Variants in IL10RB observed in about 807,000 individuals in gnomAD.
IL10RB encodes interleukin-10 receptor subunit beta.
Under a neutral mutation model 38.7 loss-of-function variants are expected in IL10RB, and 30 were observed. The observed-to-expected ratio is 0.78, with a 90% CI of 0.58 to 1.05. IL10RB has a LOEUF of 1.05. IL10RB is among the 50% of genes least tolerant of loss of function. The pLI, the probability that IL10RB is intolerant of heterozygous loss-of-function variation, is 0.00. For missense variants in IL10RB, 328 were observed against 397.1 expected, an observed-to-expected ratio of 0.83 and a Z score of 1.48; for synonymous variants, 142 against 145.9, an observed-to-expected ratio of 0.97 and a Z score of 0.19.
chr21:33,288,029 G>T, intron 5 of IL10RB, 75 bp from the exon 6 acceptor site: 2 of 1,377,650 alleles, frequency 1.5e-6, no homozygotes, highest in South Asian at 1.2e-5. Flanking sequence ...CAGGGATTGT[G>T]ATGGTTAAAA....
Position 33,266,402 on chromosome 21 carries a change from C to T in IL10RB, c.-64C>T. The T allele has an allele frequency of 6.6e-7, 1 of 1,515,258 alleles. No homozygotes were observed. Among genetic ancestry groups the T allele is most frequent in the Non-Finnish European group, 8.9e-7 (1 of 1,129,554 alleles). The allele number at this position is 1,515,258 out of a possible 1,614,324, so 93.9% of individuals were successfully genotyped here. The stretch of plus-strand genomic sequence containing the variant: ...GTTCCCGGAAGCCGCCGCGGACAAG[C>T]TCTCCCGGGCGCGGGCGGGGGTCGT... On this transcript the variant is annotated 5_prime_UTR_variant, in exon 1 of 7. Transcript: ENST00000290200.
intron 4 of IL10RB, among the ~76,000 whole-genome samples, chr21:33,282,016 T>C (rs1015045858): frequency 5.9e-5 from 9 of 152,190 alleles, no homozygotes; most frequent in African/African-American, 2.2e-4. Context: ...AAATTTGCAT[T>C]GTAAGGTTTT....
chr21:33,281,612 G>A (rs1038647043), intron 4 of IL10RB, among the ~76,000 whole-genome samples: 1 of 152,180 alleles, frequency 6.6e-6, no homozygotes, highest in Admixed American at 6.5e-5. Flanking sequence ...CAGAGTCACA[G>A]TCTGTCGTTG....
intron 5 of IL10RB, among the ~76,000 whole-genome samples, chr21:33,284,341 A>G (rs1989336959): frequency 6.6e-6 from 1 of 152,100 alleles, no homozygotes; most frequent in Non-Finnish European, 1.5e-5. Context: ...ATAGCTTGCA[A>G]ATACCAGTAA....
chr21:33,266,594 G>C (rs984289277), intron 1 of IL10RB, 80 bp downstream of exon 1: 2 of 1,425,316 alleles, frequency 1.4e-6, no homozygotes, highest in Non-Finnish European at 1.9e-6. Context: ...ATCCCTGGGC[G>C]CCCTGCAAGT....
At position 33,266,471 on chromosome 21, in the gene IL10RB, G is replaced by A; in HGVS notation, c.6G>A (p.Ala2=). The part of the protein sequence containing the change: M[A]WSLGSWLGGC... Reference sequence around the variant, plus strand: ...GGAACCCCCAGCGTCCGTCCATGGCGTGGAGCCTTGGGAGCTGGCTGGGTG... The same window carrying A: ...GGAACCCCCAGCGTCCGTCCATGGCATGGAGCCTTGGGAGCTGGCTGGGTG... The change falls in exon 1 of 7, where the codon GCG becomes GCA. Residue 2 remains alanine (A), a synonymous_variant. Transcript: ENST00000290200. 2 of 1,542,302 alleles carry A rather than the reference G, an allele frequency of 1.3e-6. No homozygotes were observed. Among genetic ancestry groups the A allele is most frequent in the Non-Finnish European group, 8.7e-7 (1 of 1,146,962 alleles).
At chr21:33,279,693 A>C in intron 3 of IL10RB, 59 bp from the exon 4 acceptor site, 1 of 1,431,346 alleles carries the variant, frequency 7.0e-7, no homozygotes, top group Non-Finnish European at 9.9e-7. Context: ...ATGAAAAATT[A>C]ATGTTGAAGT....
exon 2 of IL10RB, chr21:33,309,614 A>G (rs1335207242): frequency 6.6e-6 from 1 of 152,240 alleles, no homozygotes; most frequent in Admixed American, 6.5e-5. Flanking sequence ...TGTGACCTGC[A>G]TATAATGTAA....
In IL10RB at chr21:33,286,732, C is replaced by T. The variant is rs8178518; in HGVS notation, c.647-1372C>T. Among the ~76,000 whole-genome samples, 737 of 152,004 alleles carry T rather than the reference C, an allele frequency of 4.8e-3. 1 individual carries two copies. The highest frequency in any genetic ancestry group is 0.016 in the African/African-American group (682 of 41,478). Reference sequence around the variant, plus strand: ...GCTGGGCATGGTGACACATGCCTGTCGTCCCAGCTACCCAGGAGGCTGAGG... The same window carrying T: ...GCTGGGCATGGTGACACATGCCTGTTGTCCCAGCTACCCAGGAGGCTGAGG... On this transcript the variant is annotated intron_variant, in intron 5 of 6. Transcript: ENST00000290200.
At chr21:33,295,696 G>A (rs1041181471) in intron 6 of IL10RB, among the ~76,000 whole-genome samples, 1 of 143,222 alleles carries the variant, frequency 7.0e-6, no homozygotes, top group Non-Finnish European at 1.5e-5. Flanking sequence ...AAAAATCTTC[G>A]TTTGTATAGC....
downstream of IL10RB, among the ~76,000 whole-genome samples, chr21:33,301,399 C>T (rs780628987): frequency 1.3e-5 from 2 of 152,260 alleles, no homozygotes; most frequent in Middle Eastern, 3.4e-3. Flanking sequence ...TGGCACTTTA[C>T]GAGGTCAAAT....
chr21:33,289,477 C>T (rs2843697), intron 6 of IL10RB, among the ~76,000 whole-genome samples: 61,172 of 152,004 alleles, frequency 0.4, 12,696 homozygotes, highest in Non-Finnish European at 0.45. Context: ...CCGGGAGGAG[C>T]CTGTGCTGTA....
intron 2 of IL10RB, among the ~76,000 whole-genome samples, chr21:33,273,400 A>C (rs1470918156): frequency 7.2e-5 from 11 of 152,322 alleles, no homozygotes; most frequent in Admixed American, 4.6e-4. Flanking sequence ...TGTCTAAAAA[A>C]ATGTGCACAG....
chr21:33,294,109 G>A (rs1295097013), intron 6 of IL10RB: 8 of 468,024 alleles, frequency 1.7e-5, no homozygotes, highest in Non-Finnish European at 3.5e-5. Context: ...TTGCAGACTT[G>A]ACCGTGGAGC....
chr21:33,293,325 G>A (rs939284135), intron 6 of IL10RB, among the ~76,000 whole-genome samples: 3 of 152,232 alleles, frequency 2.0e-5, no homozygotes, highest in African/African-American at 4.8e-5. Flanking sequence ...AGCCTTGACC[G>A]AGGCAACTGC....
chr21:33,268,564 C>T, intron 2 of IL10RB, 47 bp downstream of exon 2: 2 of 1,368,802 alleles, frequency 1.5e-6, no homozygotes, highest in Non-Finnish European at 2.1e-6. Context: ...AGGAGCCAGC[C>T]CTGGGCTGGT....
chr21:33,292,998 C>T (rs1035059205), intron 6 of IL10RB, among the ~76,000 whole-genome samples: 1 of 152,234 alleles, frequency 6.6e-6, no homozygotes, highest in Non-Finnish European at 1.5e-5. Context: ...AACATGCTGC[C>T]TCCAGAACCC....
chr21:33,289,991 G>A (rs1445408265), intron 6 of IL10RB, among the ~76,000 whole-genome samples: 2 of 152,080 alleles, frequency 1.3e-5, no homozygotes, highest in Admixed American at 6.6e-5. Flanking sequence ...GCGGGCGCCT[G>A]TAGTCCCAGC....
chr21:33,296,341 A>G lies in IL10RB; in HGVS notation c.962A>G (p.Gln321Arg), dbSNP rs2082966021. ...DSCSLGTPPG[Q>R]GPQS ...TGCAGCCTCGGGACCCCGCCTGGGC[A>G]GGGGCCCCAAAGCTAGGCTCTGAGA... Residue 321 changes from glutamine to arginine, a missense_variant, in exon 7 of 7, where the codon CAG becomes CGG. Coordinates refer to ENST00000290200, the MANE Select transcript of IL10RB (RefSeq NM_000628.5). 6.2e-7 allele frequency: 1 copy of G among 1,612,008 alleles called. No individual in the cohort carries two copies. The highest frequency in any genetic ancestry group is 8.5e-7 in the Non-Finnish European group (1 of 1,178,544).
Sources: gnomAD v4.1 joint callset for allele counts (sites outside exome capture counted in the v4.1 genomes callset) on GRCh38, gnomAD v4.1.1 for gene constraint, MANE v1.5 for transcripts, NCBI Gene and HGNC (gene_info 2026-07-23, HGNC 2026-07-21) for gene names.